GALNT5: variants seen among roughly 807,000 people sequenced by gnomAD.
GALNT5 encodes UDP-GalNAc:polypeptide N-acetylgalactosaminyltransferase 5.
GALNT5 carries 72 observed loss-of-function variants against 85.4 expected under a neutral mutation model. That is an observed-to-expected ratio of 0.84 (90% confidence interval 0.70 to 1.03). The LOEUF (loss-of-function observed/expected upper bound fraction) is 1.03. Among genes scored for constraint, GALNT5 ranks in the 50% least tolerant of loss-of-function variants. GALNT5 has a pLI of 0.00. For synonymous variants in GALNT5, 404 were observed against 397.0 expected, an observed-to-expected ratio of 1.02 and a Z score of -0.21; for missense variants, 1,137 against 1,135.5, an observed-to-expected ratio of 1.00 and a Z score of -0.02.
At chr2:157,284,086 C>T (rs780887334) in intron 1 of GALNT5, among the ~76,000 whole-genome samples, 196 bp from the exon 2 acceptor site, 2 of 151,856 alleles carry the variant, frequency 1.3e-5, no homozygotes, top group Non-Finnish European at 2.9e-5. Context: ...TTTGCATGTA[C>T]CCCTCCCCAA....
intron 1 of GALNT5, among the ~76,000 whole-genome samples, chr2:157,271,572 A>G (rs1330506760): frequency 6.6e-6 from 1 of 152,214 alleles, no homozygotes; most frequent in Non-Finnish European, 1.5e-5. Flanking sequence ...CAACACACAG[A>G]ATAGAAGTTG....
At position 157,315,557 on chromosome 2, in the gene GALNT5, A is replaced by G. The variant is rs1275108633; in HGVS notation, c.*4209A>G. On this transcript the variant is annotated 3_prime_UTR_variant, in exon 10 of 10. Transcript: ENST00000259056. ...TTTGGCCTCTTTTGGATGTTGTATA[A>G]ACAGAAAAAAGAAGCATGGTCTCTC... Among the ~76,000 whole-genome samples, 3 of 152,110 alleles carry G rather than the reference A, an allele frequency of 2.0e-5. No homozygotes were observed. Among genetic ancestry groups the G allele is most frequent in the Non-Finnish European group, 4.4e-5 (3 of 68,010 alleles).
intron 3 of GALNT5, among the ~76,000 whole-genome samples, chr2:157,293,676 C>T (rs1228384318): frequency 6.6e-6 from 1 of 152,164 alleles, no homozygotes; most frequent in Non-Finnish European, 1.5e-5. Flanking sequence ...TCCTCAAGAA[C>T]ACTCCACACC....
chr2:157,263,184 T>C (rs1292100817), intron 1 of GALNT5, among the ~76,000 whole-genome samples: 1 of 151,904 alleles, frequency 6.6e-6, no homozygotes, highest in Admixed American at 6.5e-5. Flanking sequence ...ACTCACACTG[T>C]CCTTTTCTGT....
chr2:157,267,436 G>A (rs1288203367), intron 1 of GALNT5, among the ~76,000 whole-genome samples: 1 of 152,184 alleles, frequency 6.6e-6, no homozygotes, highest in Admixed American at 6.5e-5. Flanking sequence ...AAATGCTAAA[G>A]TTGCATAGAA....
chr2:157,295,713 T>C lies in GALNT5; in HGVS notation c.1792T>C (p.Leu598=), dbSNP rs1244760250. The C allele has an allele frequency of 1.2e-6, 2 of 1,612,082 alleles. No individual in the cohort carries two copies. Among genetic ancestry groups the C allele is most frequent in the Non-Finnish European group, 1.7e-6 (2 of 1,178,318 alleles). The change falls in exon 4 of 10, where the codon TTG becomes CTG. Residue 598 remains leucine, a synonymous_variant. Coordinates refer to ENST00000259056, the MANE Select transcript of GALNT5 (RefSeq NM_014568.3). ...DSHVECNVGW[L]EPLLERVYLS... ...TCATGTGGAATGTAACGTTGGTTGG[T>C]TGGAACCTCTTCTGGAAAGAGTTTA...
intron 1 of GALNT5, among the ~76,000 whole-genome samples, chr2:157,264,254 T>C (rs966659317): frequency 2.6e-5 from 4 of 152,042 alleles, no homozygotes; most frequent in Admixed American, 2.0e-4. Context: ...CAGTTCTACT[T>C]GGAGAAGTCT....
intron 9 of GALNT5, among the ~76,000 whole-genome samples, 199 bp from the exon 10 acceptor site, chr2:157,311,009 A>G (rs764887710): frequency 6.6e-6 from 1 of 152,170 alleles, no homozygotes; most frequent in Non-Finnish European, 1.5e-5. Flanking sequence ...AGCTTGGTGG[A>G]GGATGATTAC....
rs1683713249 is a variant in GALNT5, at chr2:157,316,718, T to A, written c.*5370T>A. ...TATATCCCTAATGAAGCTTAATGGA[T>A]AGTATTCCAGGTGTTGGTGGTGTCT... On this transcript the variant is annotated 3_prime_UTR_variant, in exon 10 of 10. Coordinates refer to ENST00000259056, the MANE Select transcript of GALNT5 (RefSeq NM_014568.3). Among the ~76,000 whole-genome samples, 1 of 152,194 alleles carries A rather than the reference T, an allele frequency of 6.6e-6. No homozygotes were observed. The highest frequency in any genetic ancestry group is 1.5e-5 in the Non-Finnish European group (1 of 68,030).
At chr2:157,264,011 T>C (rs1435907382) in intron 1 of GALNT5, among the ~76,000 whole-genome samples, 1 of 152,214 alleles carries the variant, frequency 6.6e-6, no homozygotes, top group Non-Finnish European at 1.5e-5. Flanking sequence ...AAAATACAAC[T>C]TCATTGTTGC....
At chr2:157,290,798 G>T (rs1474552506) in intron 3 of GALNT5, among the ~76,000 whole-genome samples, 1 of 152,056 alleles carries the variant, frequency 6.6e-6, no homozygotes, top group Non-Finnish European at 1.5e-5. Flanking sequence ...TGGTCCCAGG[G>T]TATTAGGAGG....
chr2:157,273,791 C>T (rs773825081), intron 1 of GALNT5, among the ~76,000 whole-genome samples: 15 of 151,382 alleles, frequency 9.9e-5, no homozygotes, highest in Middle Eastern at 3.4e-3. Flanking sequence ...TACAAGTACC[C>T]GCCACCATGC....
rs1232472485 is a variant in GALNT5 at position 157,296,493 on chromosome 2, TAAAG to T, written c.1981_1984del (p.Glu661LeufsTer4). 1 of 1,609,472 alleles carries T rather than the reference TAAAG, an allele frequency of 6.2e-7. No individual in the cohort carries two copies. Among genetic ancestry groups the T allele is most frequent in the Non-Finnish European group, 8.5e-7 (1 of 1,176,100 alleles). ...CAGATGTCATTGCAAAAAACAGAAT[TAAAG>T]AAACTGATACAATAAGGTAAGTGTG... On this transcript the variant is annotated frameshift_variant, in exon 5 of 10. Coordinates refer to ENST00000259056, the MANE Select transcript of GALNT5 (RefSeq NM_014568.3). LOFTEE classifies it high-confidence loss of function.
At chr2:157,262,496 A>G in intron 1 of GALNT5, among the ~76,000 whole-genome samples, 1 of 148,276 alleles carries the variant, frequency 6.7e-6, no homozygotes, top group South Asian at 2.1e-4. Flanking sequence ...AAATTACCCA[A>G]GGGTGGTGGT....
At chr2:157,264,853 C>T (rs1299895869) in intron 1 of GALNT5, among the ~76,000 whole-genome samples, 1 of 152,016 alleles carries the variant, frequency 6.6e-6, no homozygotes, top group Non-Finnish European at 1.5e-5. Context: ...AAAAAAGAAA[C>T]TTTAAAGTTA....
At chr2:157,282,125 A>G (rs1682868683) in intron 1 of GALNT5, among the ~76,000 whole-genome samples, 1 of 152,246 alleles carries the variant, frequency 6.6e-6, no homozygotes, top group African/African-American at 2.4e-5. Flanking sequence ...TTAAGTTAGC[A>G]TTAGATACCT....
intron 3 of GALNT5, among the ~76,000 whole-genome samples, chr2:157,290,053 ACAAGAG>A (rs983430150): frequency 2.7e-5 from 4 of 149,720 alleles, no homozygotes; most frequent in African/African-American, 9.9e-5. Context: ...AGCCTGGGCA[ACAAGAG>A]CAAAATTCTG....
chr2:157,265,651 G>GAAA (rs1682441301), intron 1 of GALNT5, among the ~76,000 whole-genome samples: 4 of 152,142 alleles, frequency 2.6e-5, no homozygotes, highest in African/African-American at 9.7e-5. Flanking sequence ...ATATTGCCCT[G>GAAA]GTACTCTTGG....
chr2:157,309,180 C>A (rs1480923931), intron 9 of GALNT5, among the ~76,000 whole-genome samples: 3 of 152,196 alleles, frequency 2.0e-5, no homozygotes, highest in Non-Finnish European at 4.4e-5. Context: ...TTCCCATCCC[C>A]TGTGGTACCC....
Sources: allele counts gnomAD v4.1 joint callset (sites outside exome capture counted in the v4.1 genomes callset), GRCh38; gene constraint gnomAD v4.1.1; transcripts MANE v1.5; gene names NCBI Gene and HGNC (gene_info 2026-07-23, HGNC 2026-07-21).